Variants in GALNTL6 observed in about 807,000 individuals in gnomAD.
GALNTL6 encodes polypeptide N-acetylgalactosaminyltransferase like 6, also known as polypeptide N-acetylgalactosaminyltransferase-like 6.
In GALNTL6, 46 loss-of-function variants were observed where a neutral mutation model predicts 73.7. The ratio of observed to expected loss-of-function variants is 0.62; its 90% CI spans 0.49 to 0.80. GALNTL6 has a LOEUF of 0.80. Among genes scored for constraint, GALNTL6 ranks in the 30% least tolerant of loss-of-function variants. The probability of loss-of-function intolerance (pLI) is 0.00; values close to 1 mark genes in which losing one functional copy is unlikely to be tolerated. For missense variants in GALNTL6, 604 were observed against 755.0 expected, an observed-to-expected ratio of 0.80 and a Z score of 2.34; for synonymous variants, 259 against 263.7, an observed-to-expected ratio of 0.98 and a Z score of 0.17.
chr4:172,589,906 T>TA (rs1737566796), intron 5 of GALNTL6, among the ~76,000 whole-genome samples: 1 of 152,158 alleles, frequency 6.6e-6, no homozygotes, highest in African/African-American at 2.4e-5. Context: ...AGAATGAGCA[T>TA]AATGGACCAA....
chr4:172,536,080 G>A (rs780410029), intron 5 of GALNTL6, among the ~76,000 whole-genome samples: 8 of 152,056 alleles, frequency 5.3e-5, no homozygotes, highest in South Asian at 2.1e-4. Context: ...CTCCCGCTTC[G>A]CTCTGCACTT....
intron 5 of GALNTL6, among the ~76,000 whole-genome samples, chr4:172,406,977 C>A (rs1187151170): frequency 6.6e-6 from 1 of 151,946 alleles, no homozygotes; most frequent in Non-Finnish European, 1.5e-5. Context: ...CAGAAATCAT[C>A]TGATATCTAT....
At chr4:171,978,810 A>G (rs1300821366) in intron 2 of GALNTL6, among the ~76,000 whole-genome samples, 1 of 148,872 alleles carries the variant, frequency 6.7e-6, no homozygotes, top group Non-Finnish European at 1.5e-5. Context: ...TGCATTTTGC[A>G]AAATGGAGAG....
At chr4:172,975,891 G>A (rs1252004524) in intron 10 of GALNTL6, among the ~76,000 whole-genome samples, 1 of 152,156 alleles carries the variant, frequency 6.6e-6, no homozygotes, top group East Asian at 1.9e-4. Flanking sequence ...TAGGCACTTC[G>A]GAGCCTGCAG....
chr4:171,926,082 T>C (rs1483897421), intron 2 of GALNTL6, among the ~76,000 whole-genome samples: 1 of 152,118 alleles, frequency 6.6e-6, no homozygotes, highest in Non-Finnish European at 1.5e-5. Flanking sequence ...TTCACATCAT[T>C]CCTTTATCGA....
chr4:172,274,291 T>C (rs189598773), intron 3 of GALNTL6, among the ~76,000 whole-genome samples: 4 of 152,332 alleles, frequency 2.6e-5, no homozygotes, highest in Non-Finnish European at 5.9e-5. Context: ...TGAGAGTTTA[T>C]GCCTAGACTA....
intron 5 of GALNTL6, among the ~76,000 whole-genome samples, chr4:172,490,326 G>A (rs754858205): frequency 2.0e-5 from 3 of 152,098 alleles, no homozygotes; most frequent in Non-Finnish European, 2.9e-5. Context: ...CCTTTTCTGA[G>A]TCTGGGTAAA....
intron 2 of GALNTL6, among the ~76,000 whole-genome samples, chr4:171,958,818 C>T (rs1739131132): frequency 1.3e-5 from 2 of 151,882 alleles, no homozygotes; most frequent in African/African-American, 2.4e-5. Context: ...TTCTTTGACT[C>T]AAATATATGT....
intron 2 of GALNTL6, among the ~76,000 whole-genome samples, chr4:172,154,321 C>T (rs565119313): frequency 5.8e-4 from 89 of 152,232 alleles, no homozygotes; most frequent in Non-Finnish European, 1.0e-3. Context: ...CAACCTCTGC[C>T]TCCTGGGTTC....
At chr4:172,458,360 TA>T (rs1164439432) in intron 5 of GALNTL6, among the ~76,000 whole-genome samples, 1 of 149,918 alleles carries the variant, frequency 6.7e-6, no homozygotes, top group Non-Finnish European at 1.5e-5. Context: ...AGACAAGAAA[TA>T]ACTAAGATCA....
chr4:172,939,058 C>T (rs1319167732), intron 9 of GALNTL6, among the ~76,000 whole-genome samples: 1 of 152,158 alleles, frequency 6.6e-6, no homozygotes, highest in Non-Finnish European at 1.5e-5. Flanking sequence ...AATCCCAGTG[C>T]CTCAGGAGGC....
At chr4:172,900,956 C>G (rs545427250) in intron 8 of GALNTL6, among the ~76,000 whole-genome samples, 1 of 152,304 alleles carries the variant, frequency 6.6e-6, no homozygotes, top group Admixed American at 6.5e-5. Flanking sequence ...TCACTTGTAT[C>G]TATCACATCT....
At chr4:172,342,055 A>G (rs1252027532) in intron 4 of GALNTL6, among the ~76,000 whole-genome samples, 1 of 152,166 alleles carries the variant, frequency 6.6e-6, no homozygotes, top group African/African-American at 2.4e-5. Flanking sequence ...TAGCCACCTG[A>G]TAATATAATA....
intron 2 of GALNTL6, among the ~76,000 whole-genome samples, chr4:172,117,933 T>G (rs1733030837): frequency 6.6e-6 from 1 of 152,180 alleles, no homozygotes; most frequent in Non-Finnish European, 1.5e-5. Context: ...TTGACTAGAA[T>G]GAAAATACAG....
chr4:171,975,020 G>A (rs1739677848), intron 2 of GALNTL6, among the ~76,000 whole-genome samples: 2 of 152,200 alleles, frequency 1.3e-5, no homozygotes, highest in East Asian at 3.9e-4. Context: ...TTTTTCTAGA[G>A]GCCAGTTAAC....
At chr4:172,466,613 A>G (rs1732830834) in intron 5 of GALNTL6, among the ~76,000 whole-genome samples, 1 of 152,202 alleles carries the variant, frequency 6.6e-6, no homozygotes, top group African/African-American at 2.4e-5. Flanking sequence ...CTATTAATAG[A>G]GAAGTCTGTA....
chr4:172,073,113 T>C (rs34905023), intron 2 of GALNTL6, among the ~76,000 whole-genome samples: 47,898 of 152,062 alleles, frequency 0.31, 8,733 homozygotes, highest in East Asian at 0.52. Flanking sequence ...AAGTCATCTT[T>C]TTCCAGATTT....
At chr4:172,138,486 TATATATATATATATATATATATATA>T (rs1733699347) in intron 2 of GALNTL6, among the ~76,000 whole-genome samples, 1 of 5,508 alleles carries the variant, frequency 1.8e-4, no homozygotes, top group Non-Finnish European at 7.2e-4. Context: ...CCTATATATA[TATATATATATATATATATATATATA>T]TATTTTTTTT....
intron 10 of GALNTL6, among the ~76,000 whole-genome samples, chr4:172,978,764 C>T (rs781670947): frequency 2.1e-4 from 32 of 152,196 alleles, no homozygotes; most frequent in Non-Finnish European, 3.8e-4. Flanking sequence ...AAATAAGGCA[C>T]AATATGCAAT....
Sources: gnomAD v4.1 joint callset for allele counts (sites outside exome capture counted in the v4.1 genomes callset) on GRCh38, gnomAD v4.1.1 for gene constraint, MANE v1.5 for transcripts, NCBI Gene and HGNC (gene_info 2026-07-23, HGNC 2026-07-21) for gene names.